The following RFX4 variants were observed in gnomAD, a reference collection of about 807,000 sequenced individuals.
The protein encoded by RFX4 is transcription factor RFX4.
Under a neutral mutation model 95.0 loss-of-function variants are expected in RFX4, and 10 were observed. The ratio of observed to expected loss-of-function variants is 0.11; its 90% CI spans 0.06 to 0.18. RFX4 has a LOEUF of 0.18. Ranked by LOEUF, RFX4 falls within the 10% of genes least tolerant of loss-of-function variation. RFX4 has a pLI of 1.00. For missense variants in RFX4, 640 were observed against 922.0 expected (o/e 0.69, Z 3.96); for synonymous variants, 321 against 340.7 (o/e 0.94, Z 0.64).
Position 106,591,261 on chromosome 12 carries a change from C to CTTTTTTTTTTTTTTTTTTT in RFX4, c.43+7898_43+7899insTTTTTTTTTTTTTTTTTTT, listed in dbSNP as rs1565942195. 3.0e-5 allele frequency among the ~76,000 whole-genome samples: 2 copies of CTTTTTTTTTTTTTTTTTTT among 66,466 alleles called. 1 individual carries two copies. The highest frequency in any genetic ancestry group is 1.3e-4 in the African/African-American group (2 of 15,316). The allele number at this position is 66,466 out of a possible 152,430, so 43.6% of individuals were successfully genotyped here. A position where few individuals can be genotyped will look rare whatever the true frequency, so the allele number is the denominator to read the frequency against. ...CCTATATGAAAGTGTTAAAATAGTC[C>CTTTTTTTTTTTTTTTTTTT]CTTTTTTTTTTTTTTTTTTTTTTTT... On this transcript the variant is annotated intron_variant, in intron 1 of 17. Transcript: ENST00000392842.
chr12:106,610,939 C>A (rs2039948581), intron 2 of RFX4, among the ~76,000 whole-genome samples: 1 of 151,878 alleles, frequency 6.6e-6, no homozygotes, highest in Non-Finnish European at 1.5e-5. Context: ...ACTAGCAAGG[C>A]ACAAGAGTTC....
At chr12:106,625,383 T>G (rs1273480183) in intron 2 of RFX4, among the ~76,000 whole-genome samples, 1 of 152,170 alleles carries the variant, frequency 6.6e-6, no homozygotes, top group Non-Finnish European at 1.5e-5. Flanking sequence ...AAGTCCTAAA[T>G]GCCTGATGGG....
intron 8 of RFX4, among the ~76,000 whole-genome samples, chr12:106,704,936 A>G (rs968040283): frequency 2.0e-5 from 3 of 152,186 alleles, no homozygotes; most frequent in Non-Finnish European, 4.4e-5. Context: ...TAGCAACATC[A>G]GACAGAAAGG....
intron 7 of RFX4, among the ~76,000 whole-genome samples, chr12:106,692,447 T>C (rs1481711613): frequency 6.6e-6 from 1 of 152,232 alleles, no homozygotes; most frequent in African/African-American, 2.4e-5. Context: ...AATTATTTTA[T>C]TGAGAGCCTT....
Position 106,715,448 on chromosome 12 carries a change from G to A in RFX4, c.1042G>A (p.Glu348Lys), listed in dbSNP as rs1046274871. ...TGCAGACATCACGTTCCAAATGCTG[G>A]AAGACTGGAGGAACGTGGACCTGAA... ...HSADITFQML[E>K]DWRNVDLNSI... The change falls in exon 11 of 18, where the codon GAA becomes AAA. Residue 348 changes from glutamate to lysine, a missense_variant. Physicochemically the swap from Glu to Lys is moderately conservative, Grantham distance 56. Around this residue, in one of 7 missense-constraint regions of RFX4, gnomAD observed 96 missense variants for 183.7 expected, o/e 0.52. Coordinates refer to ENST00000392842, the MANE Select transcript of RFX4 (RefSeq NM_213594.3). 3.9e-5 allele frequency: 63 copies of A among 1,614,078 alleles called. No homozygotes were observed. The highest frequency in any genetic ancestry group is 5.3e-5 in the Non-Finnish European group (62 of 1,180,034).
rs139560648 is a variant in RFX4 at position 106,646,875 on chromosome 12, C to T, written c.192-7353C>T. On this transcript the variant is annotated intron_variant, in intron 3 of 17. Transcript: ENST00000392842. ...ACAAGGAAGCTGGGTCAGCTGAAGTCCCCTGAGAAATGTCAGTGTCCACAC... is the reference window on the plus strand; with the variant it reads ...ACAAGGAAGCTGGGTCAGCTGAAGTTCCCTGAGAAATGTCAGTGTCCACAC... Among the ~76,000 whole-genome samples, 742 of 152,320 alleles carry T rather than the reference C, an allele frequency of 4.9e-3. 4 individuals carry two copies. The highest frequency in any genetic ancestry group is 0.017 in the African/African-American group (698 of 41,568).
At chr12:106,689,209 A>G (rs2041729745) in intron 6 of RFX4, 78 bp from the exon 7 acceptor site, 2 of 1,239,630 alleles carry the variant, frequency 1.6e-6, no homozygotes, top group East Asian at 4.7e-5. Context: ...GAAATGACTT[A>G]AAAACTGAAA....
intron 2 of RFX4, among the ~76,000 whole-genome samples, chr12:106,628,046 G>C (rs969350552): frequency 6.6e-6 from 1 of 152,202 alleles, no homozygotes; most frequent in African/African-American, 2.4e-5. Flanking sequence ...GTTCGAGACT[G>C]CTAGCTGGCT....
intron 2 of RFX4, among the ~76,000 whole-genome samples, chr12:106,631,270 C>A (rs996742679): frequency 6.6e-6 from 1 of 152,224 alleles, no homozygotes; most frequent in African/African-American, 2.4e-5. Flanking sequence ...GAAGGCTCCA[C>A]TTTTAATTGT....
intron 17 of RFX4, among the ~76,000 whole-genome samples, chr12:106,755,337 C>T (rs2043089888): frequency 6.6e-6 from 1 of 152,218 alleles, no homozygotes; most frequent in Non-Finnish European, 1.5e-5. Context: ...CTCCAGTGAT[C>T]CTCCTGCCTT....
intron 16 of RFX4, among the ~76,000 whole-genome samples, chr12:106,748,529 T>A (rs12833344): frequency 0.023 from 3,499 of 152,342 alleles, 55 homozygotes; most frequent in Non-Finnish European, 0.036. Flanking sequence ...ATGAATGAAC[T>A]ACAAATCCAT....
At chr12:106,626,512 A>G (rs994365808) in intron 2 of RFX4, among the ~76,000 whole-genome samples, 1 of 152,200 alleles carries the variant, frequency 6.6e-6, no homozygotes, top group Non-Finnish European at 1.5e-5. Flanking sequence ...CCTGAATTCC[A>G]AACAAGGGGT....
At position 106,762,045 on chromosome 12, in the gene RFX4, T is replaced by C. The variant is rs566438912; in HGVS notation, c.*576T>C. ...TAAATGGGGAGCTATCTGGAAACTCTAGATTTTCTGTCATACCCACATCTG... is the reference window on the plus strand; with the variant it reads ...TAAATGGGGAGCTATCTGGAAACTCCAGATTTTCTGTCATACCCACATCTG... On this transcript the variant is annotated 3_prime_UTR_variant, in exon 18 of 18. Coordinates refer to ENST00000392842, the MANE Select transcript of RFX4 (RefSeq NM_213594.3). 1 of 152,844 alleles carries C rather than the reference T, an allele frequency of 6.5e-6. No homozygotes were observed. The highest frequency in any genetic ancestry group is 2.1e-4 in the South Asian group (1 of 4,828). The allele number at this position is 152,844 out of a possible 1,614,324, so 9.5% of individuals were successfully genotyped here. A position where few individuals can be genotyped will look rare whatever the true frequency, so the allele number is the denominator to read the frequency against.
At chr12:106,675,416 T>G (rs1282469808) in intron 4 of RFX4, among the ~76,000 whole-genome samples, 19 of 151,878 alleles carry the variant, frequency 1.3e-4, no homozygotes. Context: ...GGGTGACGAG[T>G]GAGACTCTGT....
At chr12:106,657,440 A>G (rs2040982129) in intron 4 of RFX4, among the ~76,000 whole-genome samples, 1 of 152,142 alleles carries the variant, frequency 6.6e-6, no homozygotes, top group African/African-American at 2.4e-5. Context: ...CTTCGCTGCA[A>G]GTAAGATCTG....
intron 13 of RFX4, among the ~76,000 whole-genome samples, chr12:106,724,804 G>A (rs2042460580): frequency 3.3e-5 from 5 of 152,126 alleles, no homozygotes; most frequent in African/African-American, 1.2e-4. Context: ...CTGAGGTCAG[G>A]AGTTTGAGAC....
At position 106,686,022 on chromosome 12, in the gene RFX4, G is replaced by C. The variant is rs1162469753; in HGVS notation, c.378-862G>C. ...TAAGCCTATTTTGAGTTAATAAAAAGTTCTGGTCTTCGCTTTACATTCAGT... is the reference window on the plus strand; with the variant it reads ...TAAGCCTATTTTGAGTTAATAAAAACTTCTGGTCTTCGCTTTACATTCAGT... On this transcript the variant is annotated intron_variant, in intron 5 of 17. Coordinates refer to ENST00000392842, the MANE Select transcript of RFX4 (RefSeq NM_213594.3). Among the ~76,000 whole-genome samples, 7 of 152,220 alleles carry C rather than the reference G, an allele frequency of 4.6e-5. No individual in the cohort carries two copies. The East Asian group carries it at 1.3e-3, about 29-fold the overall frequency.
At chr12:106,584,115 C>A (rs1362107743) in intron 1 of RFX4, among the ~76,000 whole-genome samples, 1 of 20,002 alleles carries the variant, frequency 5.0e-5, no homozygotes, top group African/African-American at 3.4e-4. Context: ...AGCTGCTGGG[C>A]GTCAGTTTTG....
chr12:106,687,927 G>T (rs893733998), intron 6 of RFX4, among the ~76,000 whole-genome samples: 1 of 152,154 alleles, frequency 6.6e-6, no homozygotes, highest in Non-Finnish European at 1.5e-5. Context: ...TGCTGCAGGG[G>T]ATTTGGTGAA....
Sources: allele counts gnomAD v4.1 joint callset (sites outside exome capture counted in the v4.1 genomes callset), GRCh38; gene constraint gnomAD v4.1.1; regional missense constraint gnomAD v4.1.1; transcripts MANE v1.5; gene names NCBI Gene and HGNC (gene_info 2026-07-23, HGNC 2026-07-21).